The following SNAP91 variants were observed in gnomAD, a reference collection of about 807,000 sequenced individuals.
SNAP91 encodes synaptosome associated protein 91.
In SNAP91, 27 loss-of-function variants were observed where a neutral mutation model predicts 100.3. The ratio of observed to expected loss-of-function variants is 0.27; its 90% CI spans 0.20 to 0.37. The LOEUF is 0.37. SNAP91 is among the 10% of genes least tolerant of loss of function. SNAP91 has a pLI of 1.00. For missense variants in SNAP91, 986 were observed against 1,123.7 expected (o/e 0.88, Z 1.75); for synonymous variants, 404 against 398.6 (o/e 1.01, Z -0.16).
At chr6:83,556,726 A>G (rs985703966) in intron 28 of SNAP91, among the ~76,000 whole-genome samples, 9 of 152,208 alleles carry the variant, frequency 5.9e-5, no homozygotes, top group African/African-American at 2.2e-4. Context: ...AGTCATTAGT[A>G]CCTCTAAACT....
At chr6:83,670,814 A>C (rs1160948620) in intron 2 of SNAP91, among the ~76,000 whole-genome samples, 1 of 151,168 alleles carries the variant, frequency 6.6e-6, no homozygotes, top group East Asian at 1.9e-4. Context: ...AATGGACCAC[A>C]AATCTTTGAG....
chr6:83,593,820 G>A (rs565960767), intron 17 of SNAP91, 79 bp from the exon 18 acceptor site: 21 of 1,502,980 alleles, frequency 1.4e-5, no homozygotes, highest in Middle Eastern at 3.7e-4. Context: ...TATGGCAAGA[G>A]ACACCTTATA....
At chr6:83,708,098 G>T in intron 1 of SNAP91, 141 bp from the exon 2 acceptor site, 1 of 695,162 alleles carries the variant, frequency 1.4e-6, no homozygotes, top group Non-Finnish European at 2.2e-6. Flanking sequence ...AGCCAGCAAC[G>T]CGCCAAGCCC....
intron 12 of SNAP91, among the ~76,000 whole-genome samples, chr6:83,608,774 A>G (rs556134845): frequency 6.6e-6 from 1 of 152,310 alleles, no homozygotes; most frequent in African/African-American, 2.4e-5. Context: ...CCAAGAATAT[A>G]CTAATCCAAA....
intron 2 of SNAP91, among the ~76,000 whole-genome samples, chr6:83,666,269 A>G (rs1375378994): frequency 1.3e-5 from 2 of 152,124 alleles, no homozygotes; most frequent in Non-Finnish European, 2.9e-5. Flanking sequence ...ACTGGCCAAC[A>G]GGGAGTGCCC....
At chr6:83,657,828 A>ATGATCTCAG (rs960624354) in intron 6 of SNAP91, among the ~76,000 whole-genome samples, 4 of 150,648 alleles carry the variant, frequency 2.7e-5, no homozygotes, top group South Asian at 2.1e-4. Context: ...GTGCAGTGGC[A>ATGATCTCAG]TGATCTCAGC....
chr6:83,561,913 G>A, intron 26 of SNAP91, among the ~76,000 whole-genome samples: 1 of 152,092 alleles, frequency 6.6e-6, no homozygotes, highest in East Asian at 1.9e-4. Flanking sequence ...TGTAGTCTTA[G>A]CTACTCGGGA....
chr6:83,593,217 G>T lies in SNAP91; in HGVS notation c.1739C>A (p.Pro580Gln). 6.3e-7 allele frequency: 1 copy of T among 1,596,890 alleles called. No homozygotes were observed. The highest frequency in any genetic ancestry group is 8.5e-7 in the Non-Finnish European group (1 of 1,171,298). Residue 580 changes from proline to glutamine, a missense_variant, in exon 19 of 30, where the codon CCA becomes CAA. Around this residue, in one of 4 missense-constraint regions of SNAP91, gnomAD observed 575 missense variants for 579.9 expected, o/e 0.99. Coordinates refer to ENST00000369694, the MANE Select transcript of SNAP91 (RefSeq NM_001242792.2). ...CAGGTCTATGCTAGGAGCAGCATCTGGCTTAGGCGCTGCAGCAACTTCAGG... is the reference window on the plus strand; with the variant it reads ...CAGGTCTATGCTAGGAGCAGCATCTTGCTTAGGCGCTGCAGCAACTTCAGG... ...STPEVAAAPK[P>Q]DAAPSIDLFS...
At chr6:83,610,800 C>G (rs906304524) in intron 11 of SNAP91, 123 bp from the exon 12 acceptor site, 1 of 212,904 alleles carries the variant, frequency 4.7e-6, no homozygotes, top group Admixed American at 6.2e-5. Context: ...TTCACTTGGT[C>G]AAGCACTAAC....
intron 8 of SNAP91, among the ~76,000 whole-genome samples, chr6:83,627,757 C>T (rs532578506): frequency 9.9e-5 from 15 of 151,944 alleles, no homozygotes; most frequent in Admixed American, 9.2e-4. Flanking sequence ...GTTAATCTAG[C>T]TAGTGGTCGA....
At chr6:83,608,233 C>G (rs994366811) in intron 12 of SNAP91, among the ~76,000 whole-genome samples, 1 of 152,120 alleles carries the variant, frequency 6.6e-6, no homozygotes, top group Non-Finnish European at 1.5e-5. Context: ...GTGAGGTCCT[C>G]TCAGATGACC....
intron 11 of SNAP91, among the ~76,000 whole-genome samples, chr6:83,612,048 C>T (rs2096147486): frequency 6.6e-6 from 1 of 151,688 alleles, no homozygotes; most frequent in Non-Finnish European, 1.5e-5. Context: ...AGTTCAACTT[C>T]ATTTGCAAAT....
chr6:83,664,465 G>A (rs1166248228), intron 3 of SNAP91, among the ~76,000 whole-genome samples: 1 of 152,086 alleles, frequency 6.6e-6, no homozygotes, highest in Non-Finnish European at 1.5e-5. Context: ...CAGCCCCTAT[G>A]GATGACTTTG....
chr6:83,608,153 T>C (rs933977564), intron 12 of SNAP91, among the ~76,000 whole-genome samples: 1 of 152,186 alleles, frequency 6.6e-6, no homozygotes, highest in African/African-American at 2.4e-5. Flanking sequence ...ATTTCAAAAA[T>C]TATCAATTGT....
chr6:83,658,961 T>C (rs7752663), intron 6 of SNAP91, 38 bp downstream of exon 6: 31 of 1,449,226 alleles, frequency 2.1e-5, no homozygotes, highest in African/African-American at 8.4e-5. Context: ...AAAGACAACA[T>C]TGATTGTGTA....
chr6:83,611,973 G>A (rs546766020), intron 11 of SNAP91, among the ~76,000 whole-genome samples: 1 of 146,216 alleles, frequency 6.8e-6, no homozygotes, highest in South Asian at 2.1e-4. Context: ...CGCCTGCCTC[G>A]GCCTCCCAAA....
At chr6:83,554,413 G>A in intron 29 of SNAP91, 128 bp from the exon 30 acceptor site, 1 of 155,528 alleles carries the variant, frequency 6.4e-6, no homozygotes, top group Non-Finnish European at 1.4e-5. Context: ...TCTCTGCATG[G>A]ACAAATTCAA....
chr6:83,669,439 A>G (rs1339745219), intron 2 of SNAP91, among the ~76,000 whole-genome samples: 1 of 151,822 alleles, frequency 6.6e-6, no homozygotes, highest in Non-Finnish European at 1.5e-5. Context: ...TTTTATTTGA[A>G]CTTGGGAAGA....
intron 2 of SNAP91, among the ~76,000 whole-genome samples, chr6:83,693,405 T>C (rs1265523403): frequency 1.3e-5 from 2 of 152,184 alleles, no homozygotes; most frequent in East Asian, 3.8e-4. Context: ...TTGAATCTTG[T>C]AGTGAATGAG....
Sources: gnomAD v4.1 joint callset for allele counts (sites outside exome capture counted in the v4.1 genomes callset) on GRCh38, gnomAD v4.1.1 for gene constraint, gnomAD v4.1.1 regional missense constraint, MANE v1.5 for transcripts, NCBI Gene and HGNC (gene_info 2026-07-23, HGNC 2026-07-21) for gene names.